The following CLU variants were observed in gnomAD, a reference collection of about 807,000 sequenced individuals.
The protein encoded by CLU is aging-associated protein 4.
In CLU, 25 loss-of-function variants were observed where a neutral mutation model predicts 46.4. The observed-to-expected ratio is 0.54, with a 90% CI of 0.39 to 0.75. CLU has a LOEUF of 0.75. Among genes scored for constraint, CLU ranks in the 30% least tolerant of loss-of-function variants. CLU has a pLI of 0.00. For synonymous variants in CLU, 235 were observed against 235.1 expected, an observed-to-expected ratio of 1.00 and a Z score of 0.00; for missense variants, 504 against 592.1, an observed-to-expected ratio of 0.85 and a Z score of 1.54.
At chr8:27,603,595 G>A (rs765349771) in intron 6 of CLU, among the ~76,000 whole-genome samples, 2 of 152,172 alleles carry the variant, frequency 1.3e-5, no homozygotes, top group African/African-American at 2.4e-5. Context: ...AACGGAGGGG[G>A]ACAGTTAAAG....
chr8:27,598,436 C>G lies in CLU; in HGVS notation c.1340+24G>C, dbSNP rs759976404. 2.5e-6 allele frequency: 4 copies of G among 1,613,570 alleles called. No individual in the cohort carries two copies. The South Asian group carries it at 4.4e-5, about 18-fold the overall frequency. On this transcript the variant is annotated intron_variant, in intron 8 of 8. Coordinates refer to ENST00000316403, the MANE Select transcript of CLU (RefSeq NM_001831.4). ...AGAGACTCACTGGGCCCTGCAGGCCCGCAGGAAAGGCCCGCCTGCTTACCG... is the reference window on the plus strand; with the variant it reads ...AGAGACTCACTGGGCCCTGCAGGCCGGCAGGAAAGGCCCGCCTGCTTACCG...
At chr8:27,610,705 T>A (rs1800910216) in intron 1 of CLU, 105 bp from the exon 2 acceptor site, 2 of 824,248 alleles carry the variant, frequency 2.4e-6, no homozygotes, top group Non-Finnish European at 4.2e-6. Flanking sequence ...CCCTCAGCTG[T>A]CCCCACAGCA....
In CLU at chr8:27,609,151, G is replaced by T. The variant is rs539696785; in HGVS notation, c.98-65C>A. The T allele has an allele frequency of 1.0e-5, 16 of 1,574,934 alleles. No individual in the cohort carries two copies. The East Asian group carries it at 3.4e-4, about 33-fold the overall frequency. On this transcript the variant is annotated intron_variant, in intron 2 of 8. Coordinates refer to ENST00000316403, the MANE Select transcript of CLU (RefSeq NM_001831.4). ...AGAGGTGGCCTCAGGACCCTGGAAT[G>T]AGCTGGATGGCCAGAAAGGCCCGTT...
At position 27,598,496 on chromosome 8, in the gene CLU, G is replaced by C; in HGVS notation, c.1304C>G (p.Ala435Gly). The change falls in exon 8 of 9, where the codon GCG becomes GGG. Residue 435 changes from alanine to glycine, a missense_variant. Around this residue, in one of 3 missense-constraint regions of CLU, gnomAD observed 428 missense variants for 484.0 expected, o/e 0.88. Transcript: ENST00000316403. ...GCGGTATTCCTGCAGCGCTTTCTCCGCCACGGTCTCCATAAATTTAGGGTT... is the reference window on the plus strand; with the variant it reads ...GCGGTATTCCTGCAGCGCTTTCTCCCCCACGGTCTCCATAAATTTAGGGTT... ...RKNPKFMETVAEKALQEYRKK... is the reference protein window; with the variant it reads ...RKNPKFMETVGEKALQEYRKK... The C allele has an allele frequency of 1.2e-6, 2 of 1,614,006 alleles. No individual in the cohort carries two copies. The highest frequency in any genetic ancestry group is 1.7e-6 in the Non-Finnish European group (2 of 1,180,012).
chr8:27,598,573 G>C lies in CLU; in HGVS notation c.1227C>G (p.Leu409=), dbSNP rs1800658182. Residue 409 remains leucine, a synonymous_variant, in exon 8 of 9, where the codon CTC becomes CTG. Coordinates refer to ENST00000316403, the MANE Select transcript of CLU (RefSeq NM_001831.4). ...PSGVTEVVVK[L]FDSDPITVTV... ...TCACAGTGATGGGATCAGAGTCAAA[G>C]AGCTTCACGACCACCTCAGTGACAC... 9 of 1,614,192 alleles carry C rather than the reference G, an allele frequency of 5.6e-6. No homozygotes were observed. The East Asian group carries it at 2.0e-4, about 36-fold the overall frequency.
chr8:27,598,092 G>GAGC lies in CLU; in HGVS notation c.*146_*148dup. On this transcript the variant is annotated 3_prime_UTR_variant, in exon 9 of 9. Transcript: ENST00000316403. ...GTCGAGTGTTAGAGTGCAGGATCCAGAGCGGGGAGAGGCTGGGCGGAGTTG... is the reference window on the plus strand; with the variant it reads ...GTCGAGTGTTAGAGTGCAGGATCCAGAGCAGCGGGGAGAGGCTGGGCGGAGTTG... 1.3e-6 allele frequency: 1 copy of GAGC among 742,034 alleles called. No homozygotes were observed. Among genetic ancestry groups the GAGC allele is most frequent in the Non-Finnish European group, 2.5e-6 (1 of 408,112 alleles). 46.0% of individuals were successfully genotyped at this position (742,034 alleles called of 1,614,324 possible).
At chr8:27,598,995 C>T (rs1444574352) in intron 7 of CLU, 3 of 171,602 alleles carry the variant, frequency 1.7e-5, no homozygotes, top group African/African-American at 7.2e-5. Context: ...AAGAAGAGTT[C>T]CCAGTACTAG....
At chr8:27,609,237 C>CA in intron 2 of CLU, 151 bp from the exon 3 acceptor site, 1 of 813,650 alleles carries the variant, frequency 1.2e-6, no homozygotes. Context: ...AGCATGGCCC[C>CA]AGCCTTGCCC....
At chr8:27,608,786 C>G in intron 3 of CLU, 152 bp downstream of exon 3, 1 of 820,080 alleles carries the variant, frequency 1.2e-6, no homozygotes, top group Non-Finnish European at 2.1e-6. Flanking sequence ...ATGAACCTTC[C>G]CTGCTTCTTA....
In CLU at chr8:27,614,665, C is replaced by A. The variant is rs773054064; in HGVS notation, c.-40G>T. 19 of 530,882 alleles carry A rather than the reference C, an allele frequency of 3.6e-5. No homozygotes were observed. Among genetic ancestry groups the A allele is most frequent in the Admixed American group, 2.9e-4 (15 of 51,382 alleles). The allele number at this position is 530,882 out of a possible 1,614,324, so 32.9% of individuals were successfully genotyped here. ...ACGGGGACATCTCACCGGTCAGCGGCACCCTGTGCCCGCGCGCTCCTCCTG... is the reference window on the plus strand; with the variant it reads ...ACGGGGACATCTCACCGGTCAGCGGAACCCTGTGCCCGCGCGCTCCTCCTG... On this transcript the variant is annotated 5_prime_UTR_variant, in exon 1 of 9. Coordinates refer to ENST00000316403, the MANE Select transcript of CLU (RefSeq NM_001831.4).
At position 27,606,530 on chromosome 8, in the gene CLU, G is replaced by A. The variant is rs1428311311; in HGVS notation, c.247-6C>T. ...CTGGTCTCATTTAGGGCATCCTACAGGAAGACACAAGGCTGGCTGAGCCAC... is the reference window on the plus strand; with the variant it reads ...CTGGTCTCATTTAGGGCATCCTACAAGAAGACACAAGGCTGGCTGAGCCAC... On this transcript the variant is annotated splice_region_variant and splice_polypyrimidine_tract_variant and intron_variant, in intron 3 of 8. Coordinates refer to ENST00000316403, the MANE Select transcript of CLU (RefSeq NM_001831.4). The A allele has an allele frequency of 6.2e-7, 1 of 1,614,030 alleles. No homozygotes were observed. The highest frequency in any genetic ancestry group is 1.1e-5 in the South Asian group (1 of 91,084).
intron 1 of CLU, among the ~76,000 whole-genome samples, chr8:27,613,218 C>A: frequency 6.6e-6 from 1 of 152,010 alleles, no homozygotes; most frequent in Non-Finnish European, 1.5e-5. Context: ...GAAACCATGT[C>A]TCTACTAAAA....
Position 27,598,084 on chromosome 8 carries a change from A to C in CLU, c.*157T>G, listed in dbSNP as rs1254423526. On this transcript the variant is annotated 3_prime_UTR_variant, in exon 9 of 9. Transcript: ENST00000316403. ...GCAGCAGAGTCGAGTGTTAGAGTGC[A>C]GGATCCAGAGCGGGGAGAGGCTGGG... 1.4e-6 allele frequency: 1 copy of C among 727,358 alleles called. No individual in the cohort carries two copies. Among genetic ancestry groups the C allele is most frequent in the African/African-American group, 1.7e-5 (1 of 57,522 alleles). 45.1% of individuals were successfully genotyped at this position (727,358 alleles called of 1,614,324 possible).
Position 27,605,052 on chromosome 8 carries a change from G to A in CLU, c.701C>T (p.Pro234Leu), listed in dbSNP as rs771318822. The A allele has an allele frequency of 3.5e-5, 57 of 1,613,984 alleles. No homozygotes were observed. In the East Asian group the frequency reaches 4.7e-4, roughly 13 times the overall value. Residue 234 changes from proline to leucine, a missense_variant, in exon 5 of 9, where the codon CCG becomes CTG. Pro to Leu is a moderately conservative substitution (Grantham distance 98). Around this residue, in one of 3 missense-constraint regions of CLU, gnomAD observed 428 missense variants for 484.0 expected, o/e 0.88. Transcript: ENST00000316403. ...GGCGTGGAAGTTCAGGGGCTCGTACGGAGAGAAGGGCATCAAGCTGCGGAC... is the reference window on the plus strand; with the variant it reads ...GGCGTGGAAGTTCAGGGGCTCGTACAGAGAGAAGGGCATCAAGCTGCGGAC... ...RIVRSLMPFS[P>L]YEPLNFHAMF... is the part of the protein sequence containing the mutation.
chr8:27,610,053 G>T (rs1324185775), intron 2 of CLU, among the ~76,000 whole-genome samples: 1 of 152,238 alleles, frequency 6.6e-6, no homozygotes, highest in African/African-American at 2.4e-5. Flanking sequence ...TCACACCCAT[G>T]TCTGATCTGG....
chr8:27,598,111 G>A lies in CLU; in HGVS notation c.*130C>T, dbSNP rs576208847. ...GATCCAGAGCGGGGAGAGGCTGGGC[G>A]GAGTTGGGGGCCTGGAGGCTGGGGC... On this transcript the variant is annotated 3_prime_UTR_variant, in exon 9 of 9. Transcript: ENST00000316403. 23 of 818,756 alleles carry A rather than the reference G, an allele frequency of 2.8e-5. No individual in the cohort carries two copies. Among genetic ancestry groups the A allele is most frequent in the Non-Finnish European group, 4.0e-5 (19 of 474,508 alleles). 50.7% of individuals were successfully genotyped at this position (818,756 alleles called of 1,614,324 possible).
At position 27,610,586 on chromosome 8, in the gene CLU, A is replaced by G. The variant is rs779568760; in HGVS notation, c.-15T>C. 3 of 1,613,382 alleles carry G rather than the reference A, an allele frequency of 1.9e-6. No individual in the cohort carries two copies. Among genetic ancestry groups the G allele is most frequent in the Non-Finnish European group, 1.7e-6 (2 of 1,179,270 alleles). On this transcript the variant is annotated 5_prime_UTR_variant, in exon 2 of 9. Transcript: ENST00000316403. ...GTCTTCATCATGCCTCCAATTCTGG[A>G]GTCTTTGCACGCCTCTGCAGAGAAC...
chr8:27,609,129 G>A (rs1800877185), intron 2 of CLU, 43 bp from the exon 3 acceptor site: 2 of 1,607,124 alleles, frequency 1.2e-6, no homozygotes, highest in Middle Eastern at 1.6e-4. Context: ...GAGAGGAAGA[G>A]GTGGCCTCAG....
rs1439057703 is a variant in CLU at position 27,606,402 on chromosome 8, C to T, written c.369G>A (p.Lys123=). 1.2e-6 allele frequency: 2 copies of T among 1,614,258 alleles called. No individual in the cohort carries two copies. Among genetic ancestry groups the T allele is most frequent in the Non-Finnish European group, 1.7e-6 (2 of 1,180,052 alleles). The stretch of plus-strand genomic sequence containing the variant: ...CACTTCTGCAGACGCGTGCGTAGAA[C>T]TTCATGCAGGTCTGTTTCAGGCAGG... ...CKPCLKQTCM[K]FYARVCRSGS... is the part of the protein sequence containing the mutation. The change falls in exon 4 of 9, where the codon AAG becomes AAA. Residue 123 remains lysine (K), a synonymous_variant. Coordinates refer to ENST00000316403, the MANE Select transcript of CLU (RefSeq NM_001831.4).
Sources: gnomAD v4.1 joint callset for allele counts (sites outside exome capture counted in the v4.1 genomes callset) on GRCh38, gnomAD v4.1.1 for gene constraint, gnomAD v4.1.1 regional missense constraint, MANE v1.5 for transcripts, NCBI Gene and HGNC (gene_info 2026-07-23, HGNC 2026-07-21) for gene names.